Variants in SRPK1 observed in about 807,000 individuals in gnomAD.
The protein encoded by SRPK1 is SRSF protein kinase 1, also known as SFRS protein kinase 1.
SRPK1 carries 52 observed loss-of-function variants against 89.5 expected under a neutral mutation model. The observed-to-expected ratio is 0.58, with a 90% CI of 0.46 to 0.73. The LOEUF is 0.73. Among genes scored for constraint, SRPK1 ranks in the 30% least tolerant of loss-of-function variants. The probability of loss-of-function intolerance (pLI) is 0.00; values close to 1 mark genes in which losing one functional copy is unlikely to be tolerated. For synonymous variants in SRPK1, 255 were observed against 270.2 expected (o/e 0.94, Z 0.55); for missense variants, 603 against 780.6 (o/e 0.77, Z 2.71).
chr6:35,846,372 C>T lies in SRPK1; in HGVS notation c.1621-3768G>A, dbSNP rs547316089. ...TTGGGAGGCTGAGGCAGGTGGATCA[C>T]TCATGCTCAGGAGTTCGAGACCAGC... is the stretch of plus-strand genomic sequence containing the variant. On this transcript the variant is annotated intron_variant, in intron 13 of 15. Coordinates refer to ENST00000373825, the MANE Select transcript of SRPK1 (RefSeq NM_003137.5). Among the ~76,000 whole-genome samples the T allele has an allele frequency of 2.0e-3, 304 of 152,120 alleles. 2 individuals carry two copies. Among genetic ancestry groups the T allele is most frequent in the African/African-American group, 6.9e-3 (287 of 41,532 alleles).
chr6:35,868,737 T>G (rs1445607567), intron 12 of SRPK1, among the ~76,000 whole-genome samples: 1 of 152,090 alleles, frequency 6.6e-6, no homozygotes, highest in Non-Finnish European at 1.5e-5. Context: ...AAAACAAGAT[T>G]GGCCAGGAGT....
At chr6:35,887,419 TA>T (rs1348380083) in intron 5 of SRPK1, among the ~76,000 whole-genome samples, 1 of 151,958 alleles carries the variant, frequency 6.6e-6, no homozygotes, top group Non-Finnish European at 1.5e-5. Context: ...ACTTTATGAA[TA>T]AAAAATCTGA....
rs528902818 is a variant in SRPK1, at chr6:35,887,335, A to G, written c.391-524T>C. Among the ~76,000 whole-genome samples the G allele has an allele frequency of 1.3e-5, 2 of 152,346 alleles. 1 individual carries two copies. Among genetic ancestry groups the G allele is most frequent in the South Asian group, 4.1e-4 (2 of 4,828 alleles). ...CCCCAGCTACTCTGGAGGCTAAGGCAGATCACTTGAGGCCAGGAGTTGAAA... is the reference window on the plus strand; with the variant it reads ...CCCCAGCTACTCTGGAGGCTAAGGCGGATCACTTGAGGCCAGGAGTTGAAA... On this transcript the variant is annotated intron_variant, in intron 5 of 15. Coordinates refer to ENST00000373825, the MANE Select transcript of SRPK1 (RefSeq NM_003137.5).
chr6:35,870,861 A>G, intron 9 of SRPK1, 73 bp downstream of exon 9: 2 of 1,274,956 alleles, frequency 1.6e-6, no homozygotes, highest in Non-Finnish European at 2.2e-6. Flanking sequence ...ACAAACTGTT[A>G]CCATCCACAA....
chr6:35,900,286 C>T (rs959211206), intron 2 of SRPK1, among the ~76,000 whole-genome samples: 4 of 152,126 alleles, frequency 2.6e-5, no homozygotes, highest in African/African-American at 4.8e-5. Flanking sequence ...AGGGCATTTG[C>T]GAGGATATGT....
intron 15 of SRPK1, among the ~76,000 whole-genome samples, chr6:35,836,766 T>C (rs1769188245): frequency 6.7e-6 from 1 of 149,014 alleles, no homozygotes; most frequent in African/African-American, 2.4e-5. Context: ...ATAATAATAA[T>C]AATAATAATA....
intron 12 of SRPK1, among the ~76,000 whole-genome samples, chr6:35,868,443 C>G (rs1397037483): frequency 6.6e-6 from 1 of 152,186 alleles, no homozygotes; most frequent in Non-Finnish European, 1.5e-5. Context: ...CTTAGCAATT[C>G]TATGTCTAGG....
At chr6:35,876,691 C>T (rs924596847) in intron 6 of SRPK1, among the ~76,000 whole-genome samples, 2 of 152,116 alleles carry the variant, frequency 1.3e-5, no homozygotes, top group East Asian at 3.8e-4. Context: ...TCTGCTTTAG[C>T]CAAGATGGAG....
intron 13 of SRPK1, among the ~76,000 whole-genome samples, chr6:35,854,882 T>C (rs1483821428): frequency 6.6e-6 from 1 of 152,198 alleles, no homozygotes; most frequent in African/African-American, 2.4e-5. Flanking sequence ...TCAACTCAAA[T>C]AAAATTCCTC....
intron 1 of SRPK1, chr6:35,920,762 G>A (rs1373903972): frequency 6.0e-6 from 2 of 333,358 alleles, no homozygotes; most frequent in Non-Finnish European, 5.4e-6. Flanking sequence ...GCGGGTGGGG[G>A]TCTGCGTCGC....
chr6:35,920,635 C>CG, intron 1 of SRPK1, 107 bp from the exon 2 acceptor site: 6 of 954,760 alleles, frequency 6.3e-6, no homozygotes, highest in Non-Finnish European at 8.5e-6. Flanking sequence ...GGGCCTGCCT[C>CG]GGGGGCGGCT....
chr6:35,883,545 A>G (rs1770342062), intron 6 of SRPK1, among the ~76,000 whole-genome samples: 1 of 152,176 alleles, frequency 6.6e-6, no homozygotes, highest in Non-Finnish European at 1.5e-5. Flanking sequence ...TTATTTGTTG[A>G]GAGAAGTATT....
rs71540130 is a variant in SRPK1 at position 35,885,260 on chromosome 6, AACACACACACACAC to A, written c.478+1450_478+1463del. Among the ~76,000 whole-genome samples the A allele has an allele frequency of 1.9e-4, 21 of 111,866 alleles. 1 individual carries two copies. Among genetic ancestry groups the A allele is most frequent in the Admixed American group, 1.5e-3 (17 of 11,120 alleles). The allele number at this position is 111,866 out of a possible 152,430, so 73.4% of individuals were successfully genotyped here. On this transcript the variant is annotated intron_variant, in intron 6 of 15. Coordinates refer to ENST00000373825, the MANE Select transcript of SRPK1 (RefSeq NM_003137.5). ...TTGGTTTAGAATTCTTAATTCTTTG[AACACACACACACAC>A]ACACACACACACACACACACACACA...
In SRPK1 at chr6:35,871,031, C is replaced by A. The variant is rs566521734; in HGVS notation, c.752-72G>T. 57 of 1,288,826 alleles carry A rather than the reference C, an allele frequency of 4.4e-5. No homozygotes were observed. The African/African-American group carries it at 7.6e-4, about 17-fold the overall frequency. The allele number at this position is 1,288,826 out of a possible 1,614,324, so 79.8% of individuals were successfully genotyped here. A position where few individuals can be genotyped will look rare whatever the true frequency, so the allele number is the denominator to read the frequency against. On this transcript the variant is annotated intron_variant, in intron 8 of 15. Coordinates refer to ENST00000373825, the MANE Select transcript of SRPK1 (RefSeq NM_003137.5). ...AATATAAACTAAGGCTCAGATAAAACACTCTACCAGAATGAAAAGTCTTTC... is the reference window on the plus strand; with the variant it reads ...AATATAAACTAAGGCTCAGATAAAAAACTCTACCAGAATGAAAAGTCTTTC...
intron 2 of SRPK1, among the ~76,000 whole-genome samples, chr6:35,900,965 G>A (rs1770728271): frequency 6.6e-6 from 1 of 152,106 alleles, no homozygotes; most frequent in African/African-American, 2.4e-5. Flanking sequence ...GCCAGCCTGA[G>A]CAACACAGTG....
chr6:35,848,918 A>G (rs150242602), intron 13 of SRPK1, among the ~76,000 whole-genome samples: 143 of 152,358 alleles, frequency 9.4e-4, no homozygotes, highest in African/African-American at 3.3e-3. Flanking sequence ...AACCCACATG[A>G]CATTGGTCTG....
chr6:35,855,492 CAG>C (rs1769647498), intron 13 of SRPK1, among the ~76,000 whole-genome samples: 1 of 152,130 alleles, frequency 6.6e-6, no homozygotes, highest in Admixed American at 6.5e-5. Flanking sequence ...AAGTTTTTCC[CAG>C]AGTTGCCTGT....
chr6:35,920,104 G>A (rs1771197081), intron 2 of SRPK1: 2 of 470,546 alleles, frequency 4.3e-6, no homozygotes, highest in Non-Finnish European at 8.5e-6. Context: ...TTGGGGAGCA[G>A]GTAAGAGAGA....
At chr6:35,900,117 T>C (rs536415610) in intron 2 of SRPK1, among the ~76,000 whole-genome samples, 9 of 152,094 alleles carry the variant, frequency 5.9e-5, no homozygotes, top group South Asian at 4.2e-4. Flanking sequence ...GCAGAGATAA[T>C]AGTTACAGCA....
Sources: allele counts gnomAD v4.1 joint callset (sites outside exome capture counted in the v4.1 genomes callset), GRCh38; gene constraint gnomAD v4.1.1; transcripts MANE v1.5; gene names NCBI Gene and HGNC (gene_info 2026-07-23, HGNC 2026-07-21).